RPRD2: variants seen among roughly 807,000 people sequenced by gnomAD.
The protein encoded by RPRD2 is regulation of nuclear pre-mRNA domain containing 2.
RPRD2 carries 12 observed loss-of-function variants against 104.4 expected under a neutral mutation model. That is an observed-to-expected ratio of 0.11 (90% confidence interval 0.07 to 0.19). RPRD2 has a LOEUF of 0.19. Ranked by LOEUF, RPRD2 falls within the 10% of genes least tolerant of loss-of-function variation. RPRD2 has a pLI of 1.00. For missense variants in RPRD2, 1,543 were observed against 1,790.1 expected, an observed-to-expected ratio of 0.86 and a Z score of 2.49; for synonymous variants, 714 against 684.9, an observed-to-expected ratio of 1.04 and a Z score of -0.66.
chr1:150,403,582 C>A (rs1367920710), intron 1 of RPRD2, among the ~76,000 whole-genome samples: 2 of 152,134 alleles, frequency 1.3e-5, no homozygotes, highest in Admixed American at 6.6e-5. Context: ...CATATTATGG[C>A]GTACGTCAGA....
At chr1:150,390,507 A>G (rs1661985061) in intron 1 of RPRD2, among the ~76,000 whole-genome samples, 1 of 151,634 alleles carries the variant, frequency 6.6e-6, no homozygotes. Context: ...CAAAAAATAA[A>G]TAAATAAATA....
At chr1:150,464,882 A>C (rs1668165943) in intron 10 of RPRD2, among the ~76,000 whole-genome samples, 155 bp downstream of exon 10, 1 of 150,762 alleles carries the variant, frequency 6.6e-6, no homozygotes, top group African/African-American at 2.4e-5. Context: ...ATTTATTTAA[A>C]ATTTTTGAGA....
chr1:150,368,922 G>A (rs1660056967), intron 1 of RPRD2, among the ~76,000 whole-genome samples: 1 of 152,082 alleles, frequency 6.6e-6, no homozygotes, highest in African/African-American at 2.4e-5. Flanking sequence ...TTTATTTCAA[G>A]TAGTGCCTTC....
In RPRD2 at chr1:150,364,819, C is replaced by G. The variant is rs782679519; in HGVS notation, c.105C>G (p.Thr35=). ...TGGATCGAAAATTCCAGTCGGTAACCAACACCATGGAGTCCATTCAAGGCT... is the reference window on the plus strand; with the variant it reads ...TGGATCGAAAATTCCAGTCGGTAACGAACACCATGGAGTCCATTCAAGGCT... ...SSLDRKFQSV[T]NTMESIQGLS... is the part of the protein sequence containing the mutation. Residue 35 remains threonine (T), a synonymous_variant, in exon 1 of 11, where the codon ACC becomes ACG. Transcript: ENST00000369068. 1 of 1,613,910 alleles carries G rather than the reference C, an allele frequency of 6.2e-7. No homozygotes were observed. The highest frequency in any genetic ancestry group is 1.1e-5 in the South Asian group (1 of 91,070).
At chr1:150,417,910 T>TTCTCTCTC (rs140431392) in intron 2 of RPRD2, among the ~76,000 whole-genome samples, 185 bp downstream of exon 2, 1 of 150,592 alleles carries the variant, frequency 6.6e-6, no homozygotes, top group Non-Finnish European at 1.5e-5. Flanking sequence ...TCTTTTCTTT[T>TTCTCTCTC]TCTCTCTCTC....
At chr1:150,369,479 CG>C (rs1660116294) in intron 1 of RPRD2, among the ~76,000 whole-genome samples, 1 of 60,414 alleles carries the variant, frequency 1.7e-5, no homozygotes, top group African/African-American at 6.1e-5. Flanking sequence ...TTTTTTGAGA[CG>C]GAGTCTTGCT....
At chr1:150,372,948 G>A (rs1370868248) in intron 1 of RPRD2, among the ~76,000 whole-genome samples, 2 of 151,980 alleles carry the variant, frequency 1.3e-5, no homozygotes, top group East Asian at 3.9e-4. Context: ...TATAGGCATT[G>A]TAAGGACTTT....
intron 2 of RPRD2, among the ~76,000 whole-genome samples, chr1:150,422,122 A>C (rs1040094457): frequency 6.6e-6 from 1 of 151,686 alleles, no homozygotes; most frequent in African/African-American, 2.4e-5. Context: ...GGAGATCGAG[A>C]CCATCCTTCC....
chr1:150,460,913 C>T (rs9436007), intron 9 of RPRD2, among the ~76,000 whole-genome samples: 44,990 of 141,252 alleles, frequency 0.32, 8,149 homozygotes, highest in Middle Eastern at 0.42. Context: ...TTGGTAGAGA[C>T]GGGGTTTCAC....
chr1:150,411,490 CAAA>C lies in RPRD2; in HGVS notation c.206-6104_206-6102del, dbSNP rs1259731785. On this transcript the variant is annotated intron_variant, in intron 1 of 10. Transcript: ENST00000369068. ...AAAAACAAAAAAAAAACGAAACAAA[CAAA>C]AGAAGAAGGCAGTACACTAGGCGCG... Among the ~76,000 whole-genome samples the C allele has an allele frequency of 2.7e-5, 3 of 109,742 alleles. 1 individual carries two copies. Among genetic ancestry groups the C allele is most frequent in the Non-Finnish European group, 5.5e-5 (3 of 54,702 alleles). 72.0% of individuals were successfully genotyped at this position (109,742 alleles called of 152,430 possible).
chr1:150,365,328 CA>C (rs1277959672), intron 1 of RPRD2, among the ~76,000 whole-genome samples: 1 of 152,076 alleles, frequency 6.6e-6, no homozygotes, highest in Non-Finnish European at 1.5e-5. Flanking sequence ...TGGTTTTAAG[CA>C]GTAGTAAATC....
At position 150,460,147 on chromosome 1, in the gene RPRD2, C is replaced by A; in HGVS notation, c.1241C>A (p.Ser414Tyr). The stretch of plus-strand genomic sequence containing the variant: ...CCAACAGAAAATATCTCAAAGGCCT[C>A]TTCATGTACCCCAGTGCCTGTGACC... Reference protein sequence around the residue: ...TKPTENISKASSCTPVPVTMT... With the variant: ...TKPTENISKAYSCTPVPVTMT... The change falls in exon 9 of 11, where the codon TCT becomes TAT. Residue 414 changes from serine (S) to tyrosine (Y), a missense_variant. Ser to Tyr is a moderately radical substitution (Grantham distance 144, BLOSUM62 -2). This residue lies in a region of RPRD2 where 572 missense variants were observed against 787.3 expected (regional missense o/e 0.73). Coordinates refer to ENST00000369068, the MANE Select transcript of RPRD2 (RefSeq NM_015203.5). The A allele has an allele frequency of 6.2e-7, 1 of 1,613,986 alleles. No homozygotes were observed. Among genetic ancestry groups the A allele is most frequent in the Non-Finnish European group, 8.5e-7 (1 of 1,179,888 alleles).
intron 10 of RPRD2, among the ~76,000 whole-genome samples, chr1:150,466,528 G>GACAGA (rs59657052): frequency 0.22 from 32,591 of 146,838 alleles, 4,120 homozygotes; most frequent in African/African-American, 0.32. Flanking sequence ...CAACCTAAGT[G>GACAGA]ATGAGACCCT....
rs147905756 is a variant in RPRD2 at position 150,425,711 on chromosome 1, A to G, written c.335+7986A>G. On this transcript the variant is annotated intron_variant, in intron 2 of 10. Coordinates refer to ENST00000369068, the MANE Select transcript of RPRD2 (RefSeq NM_015203.5). ...CTTCTTTGATTCTCAAATCAAATAT[A>G]TGATATAATTAGGGGCAAAGATTAT... is the stretch of plus-strand genomic sequence containing the variant. Among the ~76,000 whole-genome samples, 4 of 152,294 alleles carry G rather than the reference A, an allele frequency of 2.6e-5. No homozygotes were observed. The East Asian group carries it at 7.7e-4, about 29-fold the overall frequency.
chr1:150,447,758 C>T (rs1666882717), intron 7 of RPRD2, among the ~76,000 whole-genome samples: 1 of 152,112 alleles, frequency 6.6e-6, no homozygotes, highest in Admixed American at 6.6e-5. Flanking sequence ...CACTGTGTAT[C>T]GCCGTAAAAG....
chr1:150,393,706 A>C (rs1662274970), intron 1 of RPRD2, among the ~76,000 whole-genome samples: 1 of 152,128 alleles, frequency 6.6e-6, no homozygotes, highest in South Asian at 2.1e-4. Flanking sequence ...GGTGGTATAC[A>C]ATGCCAACAA....
At chr1:150,370,218 T>C (rs1660198425) in intron 1 of RPRD2, among the ~76,000 whole-genome samples, 1 of 152,190 alleles carries the variant, frequency 6.6e-6, no homozygotes, top group Non-Finnish European at 1.5e-5. Flanking sequence ...AGACCTTCTT[T>C]CCCATTTTTA....
At chr1:150,368,205 G>GTTTTTTTTTTTTTTTTTTTTTTTTTT (rs10572674) in intron 1 of RPRD2, among the ~76,000 whole-genome samples, 1 of 112,742 alleles carries the variant, frequency 8.9e-6, no homozygotes, top group African/African-American at 3.5e-5. Flanking sequence ...CTTATTTCTT[G>GTTTTTTTTTTTTTTTTTTTTTTTTTT]TTTTTTTTTT....
chr1:150,412,647 T>C (rs1664023265), intron 1 of RPRD2, among the ~76,000 whole-genome samples: 1 of 152,120 alleles, frequency 6.6e-6, no homozygotes, highest in Non-Finnish European at 1.5e-5. Context: ...AGGATGCAGA[T>C]TATAAAGGAA....
Sources: allele counts gnomAD v4.1 joint callset (sites outside exome capture counted in the v4.1 genomes callset), GRCh38; gene constraint gnomAD v4.1.1; regional missense constraint gnomAD v4.1.1; transcripts MANE v1.5; gene names NCBI Gene and HGNC (gene_info 2026-07-23, HGNC 2026-07-21).